CMTM1: variants seen among roughly 807,000 people sequenced by gnomAD.
CMTM1 encodes the protein CKLF like MARVEL transmembrane domain containing 1.
Under a neutral mutation model 17.8 loss-of-function variants are expected in CMTM1, and 16 were observed. The ratio of observed to expected loss-of-function variants is 0.90; its 90% CI spans 0.61 to 1.37. CMTM1 has a LOEUF of 1.37. Ranked by LOEUF, CMTM1 falls within the 40% of genes most tolerant of loss-of-function variation. CMTM1 has a pLI of 0.00. For missense variants in CMTM1, 354 were observed against 375.6 expected (o/e 0.94, Z 0.47); for synonymous variants, 169 against 154.6 (o/e 1.09, Z -0.69).
chr16:66,577,249 C>A, intron 3 of CMTM1, 47 bp downstream of exon 3: 1 of 1,524,814 alleles, frequency 6.6e-7, no homozygotes, highest in Non-Finnish European at 9.0e-7. Flanking sequence ...TATTCCAAGA[C>A]TTTGAAAAGG....
chr16:66,569,547 T>C (rs966722414), intron 1 of CMTM1, among the ~76,000 whole-genome samples: 1 of 152,196 alleles, frequency 6.6e-6, no homozygotes, highest in Non-Finnish European at 1.5e-5. Context: ...ATAAATGATG[T>C]TGAGATAATC....
chr16:66,571,033 C>A, intron 2 of CMTM1: 3 of 413,270 alleles, frequency 7.3e-6, no homozygotes, highest in Non-Finnish European at 1.4e-5. Context: ...GAACATTTTT[C>A]TAACCTTAAA....
chr16:66,566,990 C>A lies in CMTM1; in HGVS notation c.432+45C>A, dbSNP rs751087590. 3 of 1,604,844 alleles carry A rather than the reference C, an allele frequency of 1.9e-6. No individual in the cohort carries two copies. The Admixed American group carries it at 5.0e-5, about 27-fold the overall frequency. On this transcript the variant is annotated intron_variant, in intron 1 of 3. Transcript: ENST00000379500. This position sits in a 1 kb window ranked among gnomAD's most constrained non-coding sequence, Gnocchi z 4.9. ...GACCTAGCTGGGCGGATGTGGCCGG[C>A]AGTGGCCTCGGGGAAATGCCCACGG... is the stretch of plus-strand genomic sequence containing the variant.
chr16:66,576,079 A>C (rs1195192361), intron 2 of CMTM1, among the ~76,000 whole-genome samples: 1 of 152,188 alleles, frequency 6.6e-6, no homozygotes, highest in African/African-American at 2.4e-5. Flanking sequence ...GCACACAAAG[A>C]AGCAGGTTGG....
rs377254479 is a variant in CMTM1 at position 66,578,848 on chromosome 16, G to A, written c.708G>A (p.Ala236=). Residue 236 remains alanine (A), a synonymous_variant, in exon 4 of 4, where the codon GCG becomes GCA. Transcript: ENST00000379500. Reference sequence around the variant, plus strand: ...TCTGACAGTCCCTGTGTCTCACAGCGGTAATCGTGTGTTGCATCGATGCGT... The same window carrying A: ...TCTGACAGTCCCTGTGTCTCACAGCAGTAATCGTGTGTTGCATCGATGCGT... ...LYVGGSLCLT[A]VIVCCIDAFV... The A allele has an allele frequency of 1.1e-5, 18 of 1,614,006 alleles. No individual in the cohort carries two copies. Among genetic ancestry groups the A allele is most frequent in the African/African-American group, 2.7e-5 (2 of 74,912 alleles).
At chr16:66,567,093 C>T in intron 1 of CMTM1, 148 bp downstream of exon 1, 2 of 774,600 alleles carry the variant, frequency 2.6e-6, no homozygotes, top group Non-Finnish European at 4.4e-6. Flanking sequence ...CCCCACCACC[C>T]CCTGCTCCCC....
chr16:66,570,142 C>A, intron 2 of CMTM1, 48 bp downstream of exon 2: 1 of 1,469,238 alleles, frequency 6.8e-7, no homozygotes, highest in Non-Finnish European at 9.3e-7. Flanking sequence ...TTGCCCTCAG[C>A]CCCAGAGTAA....
Position 66,566,586 on chromosome 16 carries a change from G to A in CMTM1, c.73G>A (p.Ala25Thr), listed in dbSNP as rs776680806. The A allele has an allele frequency of 1.1e-5, 17 of 1,613,868 alleles. No individual in the cohort carries two copies. Among genetic ancestry groups the A allele is most frequent in the Admixed American group, 1.7e-5 (1 of 59,982 alleles). Residue 25 changes from alanine to threonine, a missense_variant, in exon 1 of 4, where the codon GCA becomes ACA. By Grantham distance (58) the Ala-to-Thr change is moderately conservative. Transcript: ENST00000379500. This position sits in a 1 kb window ranked among gnomAD's most constrained non-coding sequence, Gnocchi z 4.9. Reference sequence around the variant, plus strand: ...GAACTTGAAACAACCGGAGACTGCCGCAGCCCTGGCAAGTAGCGGCAGCGT... The same window carrying A: ...GAACTTGAAACAACCGGAGACTGCCACAGCCCTGGCAAGTAGCGGCAGCGT... ...SGNLKQPETAAALASSGSVVS... is the reference protein window; with the variant it reads ...SGNLKQPETATALASSGSVVS...
chr16:66,575,315 C>A, intron 2 of CMTM1: 2 of 649,406 alleles, frequency 3.1e-6, no homozygotes, highest in Non-Finnish European at 3.8e-6. Flanking sequence ...ATTCATTATG[C>A]CATTTAATCC....
chr16:66,574,013 T>A (rs1187631257), intron 2 of CMTM1, among the ~76,000 whole-genome samples: 1 of 151,372 alleles, frequency 6.6e-6, no homozygotes, highest in South Asian at 2.1e-4. Context: ...TAATATTCAG[T>A]GTTTTTTTTT....
intron 2 of CMTM1, among the ~76,000 whole-genome samples, chr16:66,574,147 T>C (rs996798891): frequency 9.2e-5 from 14 of 152,202 alleles, no homozygotes; most frequent in Non-Finnish European, 1.5e-5. Context: ...AAAACACATT[T>C]CTCATTTTAG....
In CMTM1 at chr16:66,569,939, C is replaced by G. The variant is rs1567373061; in HGVS notation, c.436C>G (p.Leu146Val). Residue 146 changes from leucine (L) to valine (V), a missense_variant, in exon 2 of 4, where the codon CTT becomes GTT. Coordinates refer to ENST00000379500, the MANE Select transcript of CMTM1 (RefSeq NM_052999.4). ...AATCCTGTTTCTTTTATTGCAGAGTCTTATCTTAGGAGCATTAGCTTGTTT... is the reference window on the plus strand; with the variant it reads ...AATCCTGTTTCTTTTATTGCAGAGTGTTATCTTAGGAGCATTAGCTTGTTT... ...TGMLKILRLS[L>V]ILGALACFII... 1 of 1,593,320 alleles carries G rather than the reference C, an allele frequency of 6.3e-7. No homozygotes were observed. Among genetic ancestry groups the G allele is most frequent in the Non-Finnish European group, 8.5e-7 (1 of 1,173,444 alleles).
chr16:66,571,674 G>T (rs370603829), intron 2 of CMTM1, among the ~76,000 whole-genome samples: 1 of 152,174 alleles, frequency 6.6e-6, no homozygotes, highest in African/African-American at 2.4e-5. Context: ...AAGGTGAATT[G>T]GTTATCCTGG....
intron 2 of CMTM1, chr16:66,575,388 G>A: frequency 4.6e-6 from 1 of 218,116 alleles, no homozygotes; most frequent in Non-Finnish European, 7.8e-6. Context: ...GCAGATGGGT[G>A]ATAAAATACG....
At chr16:66,575,017 C>T (rs1377377355) in intron 2 of CMTM1, 60 of 985,376 alleles carry the variant, frequency 6.1e-5, no homozygotes, top group Non-Finnish European at 7.1e-5. Flanking sequence ...ACCTCTCGCT[C>T]AGCCTGCAGA....
Position 66,566,561 on chromosome 16 carries a change from G to T in CMTM1, c.48G>T (p.Gly16=). Reference sequence around the variant, plus strand: ...CTGAGTCATCCGAGGCACCTTCAGGGAACTTGAAACAACCGGAGACTGCCG... The same window carrying T: ...CTGAGTCATCCGAGGCACCTTCAGGTAACTTGAAACAACCGGAGACTGCCG... The part of the protein sequence containing the change: ...AKPESSEAPS[G]NLKQPETAAA... The change falls in exon 1 of 4, where the codon GGG becomes GGT. Residue 16 remains glycine (G), a synonymous_variant. Transcript: ENST00000379500. This position sits in a 1 kb window ranked among gnomAD's most constrained non-coding sequence, Gnocchi z 4.9. The T allele has an allele frequency of 6.2e-7, 1 of 1,613,844 alleles. No homozygotes were observed. Among genetic ancestry groups the T allele is most frequent in the Non-Finnish European group, 8.5e-7 (1 of 1,179,918 alleles).
chr16:66,566,612 A>G lies in CMTM1; in HGVS notation c.99A>G (p.Val33=). The change falls in exon 1 of 4, where the codon GTA becomes GTG. Residue 33 remains valine, a synonymous_variant. Transcript: ENST00000379500. This position sits in a 1 kb window ranked among gnomAD's most constrained non-coding sequence, Gnocchi z 4.9. Reference sequence around the variant, plus strand: ...CAGCCCTGGCAAGTAGCGGCAGCGTAGTGAGTTCTGTACCCAAGGCACAGC... The same window carrying G: ...CAGCCCTGGCAAGTAGCGGCAGCGTGGTGAGTTCTGTACCCAAGGCACAGC... ...TAAALASSGS[V]VSSVPKAQRN... The G allele has an allele frequency of 2.5e-6, 4 of 1,614,048 alleles. No homozygotes were observed. Among genetic ancestry groups the G allele is most frequent in the Non-Finnish European group, 3.4e-6 (4 of 1,179,984 alleles).
intron 3 of CMTM1, among the ~76,000 whole-genome samples, chr16:66,578,607 C>T (rs2014557393): frequency 6.6e-6 from 1 of 152,192 alleles, no homozygotes; most frequent in Non-Finnish European, 1.5e-5. Flanking sequence ...AGCGAGGCTA[C>T]TACTGGCAAC....
At chr16:66,572,998 G>A (rs11867053) in intron 2 of CMTM1, among the ~76,000 whole-genome samples, 9 of 151,846 alleles carry the variant, frequency 5.9e-5, no homozygotes, top group Admixed American at 2.0e-4. Context: ...TGTCAAGGCC[G>A]CCTCCTCTGG....
Sources: allele counts gnomAD v4.1 joint callset (sites outside exome capture counted in the v4.1 genomes callset), GRCh38; gene constraint gnomAD v4.1.1; non-coding constraint Gnocchi (gnomAD v3.1); transcripts MANE v1.5; gene names NCBI Gene and HGNC (gene_info 2026-07-23, HGNC 2026-07-21).